The following ZNF385D variants were observed in gnomAD, a reference collection of about 807,000 sequenced individuals.
ZNF385D encodes zinc finger protein 385D, also known as zinc finger protein 659.
A neutral mutation model predicts 35.8 loss-of-function variants in ZNF385D; 15 were observed. The ratio of observed to expected loss-of-function variants is 0.42; its 90% CI spans 0.28 to 0.64. ZNF385D has a LOEUF of 0.64. Among genes scored for constraint, ZNF385D ranks in the 30% least tolerant of loss-of-function variants. ZNF385D has a pLI of 0.23. For synonymous variants in ZNF385D, 212 were observed against 186.8 expected (o/e 1.13, Z -1.10); for missense variants, 474 against 494.6 (o/e 0.96, Z 0.39).
At chr3:22,324,807 T>C (rs1694601856) in intron 2 of ZNF385D, among the ~76,000 whole-genome samples, 1 of 152,170 alleles carries the variant, frequency 6.6e-6, no homozygotes. Flanking sequence ...CTACCACCAG[T>C]AATTACACAG....
At chr3:21,847,281 A>G (rs1696071162) in intron 3 of ZNF385D, among the ~76,000 whole-genome samples, 1 of 152,124 alleles carries the variant, frequency 6.6e-6, no homozygotes, top group South Asian at 2.1e-4. Flanking sequence ...GCATCACATT[A>G]TGTATATTCA....
chr3:21,752,596 C>T (rs1230357113), upstream of ZNF385D, among the ~76,000 whole-genome samples: 2 of 152,038 alleles, frequency 1.3e-5, no homozygotes, highest in Non-Finnish European at 2.9e-5. Flanking sequence ...TATCCTCTCT[C>T]ACGCTAGATT....
intron 3 of ZNF385D, among the ~76,000 whole-genome samples, chr3:22,010,774 G>T (rs918416396): frequency 1.3e-5 from 2 of 152,156 alleles, no homozygotes; most frequent in Non-Finnish European, 2.9e-5. Flanking sequence ...AACAATTTCT[G>T]AGCTTCTGTA....
At chr3:21,633,463 A>C (rs745600182) in intron 2 of ZNF385D, among the ~76,000 whole-genome samples, 33 of 152,234 alleles carry the variant, frequency 2.2e-4, no homozygotes, top group South Asian at 4.1e-4. Flanking sequence ...AAGAGCAAAG[A>C]AGTAGGACAA....
intron 3 of ZNF385D, among the ~76,000 whole-genome samples, chr3:21,842,359 T>G (rs1324245962): frequency 6.6e-6 from 1 of 151,956 alleles, no homozygotes; most frequent in Non-Finnish European, 1.5e-5. Context: ...AGAATGAATT[T>G]TGGCCTGAGA....
intron 2 of ZNF385D, among the ~76,000 whole-genome samples, chr3:22,267,257 G>A (rs1248096496): frequency 6.6e-6 from 1 of 151,846 alleles, no homozygotes; most frequent in Non-Finnish European, 1.5e-5. Flanking sequence ...AACATACAGA[G>A]TATAAACCAA....
chr3:21,688,980 C>G (rs2067195740), intron 1 of ZNF385D, among the ~76,000 whole-genome samples: 2 of 151,888 alleles, frequency 1.3e-5, no homozygotes, highest in South Asian at 4.2e-4. Context: ...AATACATAAG[C>G]CAAGAAAACA....
chr3:21,526,088 A>G (rs868863441), intron 3 of ZNF385D, among the ~76,000 whole-genome samples: 1 of 152,306 alleles, frequency 6.6e-6, no homozygotes, highest in Admixed American at 6.5e-5. Context: ...CTACATATTC[A>G]GCTGTAATTA....
Position 21,470,426 on chromosome 3 carries a change from A to C in ZNF385D, c.440-33223T>G, listed in dbSNP as rs1250300869. Among the ~76,000 whole-genome samples the C allele has an allele frequency of 2.6e-5, 4 of 152,256 alleles. No homozygotes were observed. In the East Asian group the frequency reaches 7.7e-4, roughly 29 times the overall value. ...CCCCAGATTTCTATAAAACTGTCAG[A>C]GTAAAAAATGAGAAAACATTATATA... On this transcript the variant is annotated intron_variant, in intron 4 of 7. Coordinates refer to ENST00000281523, the MANE Select transcript of ZNF385D (RefSeq NM_024697.3).
chr3:21,665,009 A>G lies in ZNF385D; in HGVS notation c.42T>C (p.Pro14=), dbSNP rs773368215. The part of the protein sequence containing the change: ...IMYFGGTCQS[P]ALPALVRPPA... ...GTGGACGGACAAGGGCCGGGAGAGC[A>G]GGACTCTGGCATGTACCACCTGTGA... Residue 14 remains proline, a synonymous_variant, in exon 2 of 8, where the codon CCT becomes CCC. Coordinates refer to ENST00000281523, the MANE Select transcript of ZNF385D (RefSeq NM_024697.3). 1.2e-6 allele frequency: 2 copies of G among 1,612,156 alleles called. No homozygotes were observed. Among genetic ancestry groups the G allele is most frequent in the South Asian group, 1.1e-5 (1 of 90,834 alleles).
intron 3 of ZNF385D, among the ~76,000 whole-genome samples, chr3:22,090,290 A>G (rs1701263708): frequency 6.6e-6 from 1 of 152,168 alleles, no homozygotes. Context: ...TGAGCTTCTT[A>G]CTACTGGGAA....
At chr3:21,676,951 A>T (rs1430956467) in intron 1 of ZNF385D, among the ~76,000 whole-genome samples, 1 of 152,058 alleles carries the variant, frequency 6.6e-6, no homozygotes, top group Non-Finnish European at 1.5e-5. Context: ...CAGATATAGG[A>T]TTTACAAATC....
At chr3:21,659,904 G>A (rs191188663) in intron 2 of ZNF385D, among the ~76,000 whole-genome samples, 2 of 152,174 alleles carry the variant, frequency 1.3e-5, no homozygotes, top group Non-Finnish European at 2.9e-5. Flanking sequence ...TTTTGATTCA[G>A]AATCTGTACT....
chr3:22,187,378 T>A (rs937103390), intron 2 of ZNF385D, among the ~76,000 whole-genome samples: 5 of 152,144 alleles, frequency 3.3e-5, no homozygotes, highest in African/African-American at 1.2e-4. Context: ...GCACTTTGGG[T>A]GGCTTAAACT....
At chr3:21,817,921 A>G (rs2073224843) in intron 3 of ZNF385D, among the ~76,000 whole-genome samples, 1 of 152,228 alleles carries the variant, frequency 6.6e-6, no homozygotes, top group South Asian at 2.1e-4. Flanking sequence ...AAGACTTGGA[A>G]CCAACCCAAA....
intron 2 of ZNF385D, among the ~76,000 whole-genome samples, chr3:22,211,330 C>A (rs1697508916): frequency 6.6e-6 from 1 of 151,850 alleles, no homozygotes; most frequent in African/African-American, 2.4e-5. Context: ...TGTCAGTAGC[C>A]ACTTTTCTCA....
At chr3:22,039,974 G>A (rs1264683580) in intron 3 of ZNF385D, among the ~76,000 whole-genome samples, 1 of 152,148 alleles carries the variant, frequency 6.6e-6, no homozygotes, top group African/African-American at 2.4e-5. Flanking sequence ...TCAGAAACAA[G>A]GAGGATCATG....
chr3:22,166,269 C>G (rs747677495), intron 3 of ZNF385D, among the ~76,000 whole-genome samples: 6 of 139,866 alleles, frequency 4.3e-5, no homozygotes, highest in Admixed American at 2.1e-4. Flanking sequence ...GGGAAAAAAT[C>G]TGAATAGGAA....
intron 3 of ZNF385D, among the ~76,000 whole-genome samples, chr3:21,552,699 T>G (rs750936819): frequency 5.9e-5 from 9 of 152,208 alleles, no homozygotes; most frequent in Non-Finnish European, 1.3e-4. Flanking sequence ...GATAGGGTCA[T>G]GAAATTCAGT....
Sources: gnomAD v4.1 joint callset for allele counts (sites outside exome capture counted in the v4.1 genomes callset) on GRCh38, gnomAD v4.1.1 for gene constraint, MANE v1.5 for transcripts, NCBI Gene and HGNC (gene_info 2026-07-23, HGNC 2026-07-21) for gene names.